SLC39A11: variants seen among roughly 807,000 people sequenced by gnomAD.
SLC39A11 encodes the protein solute carrier family 39 member 11.
In SLC39A11, 33 loss-of-function variants were observed where a neutral mutation model predicts 36.1. That is an observed-to-expected ratio of 0.91 (90% CI 0.69 to 1.22). The LOEUF (loss-of-function observed/expected upper bound fraction) is 1.22. Ranked by LOEUF, SLC39A11 falls within the 50% of genes most tolerant of loss-of-function variation. The pLI is 0.00. For synonymous variants in SLC39A11, 166 were observed against 170.3 expected (o/e 0.97, Z 0.20); for missense variants, 432 against 430.3 (o/e 1.00, Z -0.03).
chr17:72,872,789 GCTCATGC>G (rs2146403716), intron 5 of SLC39A11, among the ~76,000 whole-genome samples: 1 of 152,262 alleles, frequency 6.6e-6, no homozygotes, highest in East Asian at 1.9e-4. Flanking sequence ...GGGTGCAGTG[GCTCATGC>G]CTGTAATCCC....
chr17:73,014,782 AC>A (rs1429958926), intron 4 of SLC39A11, among the ~76,000 whole-genome samples: 2 of 152,176 alleles, frequency 1.3e-5, no homozygotes, highest in African/African-American at 4.8e-5. Flanking sequence ...CTCTGGCTGC[AC>A]GTTTCTCTTG....
At chr17:73,009,991 A>T (rs899873669) in intron 4 of SLC39A11, among the ~76,000 whole-genome samples, 8 of 151,824 alleles carry the variant, frequency 5.3e-5, no homozygotes, top group Non-Finnish European at 8.8e-5. Flanking sequence ...GGAGATGAGT[A>T]GGTTCTGGAG....
intron 4 of SLC39A11, among the ~76,000 whole-genome samples, chr17:72,958,356 T>C (rs1052879845): frequency 6.6e-6 from 1 of 152,134 alleles, no homozygotes; most frequent in East Asian, 1.9e-4. Flanking sequence ...CAAATATAAA[T>C]AGCTGGGACT....
chr17:72,712,065 C>G (rs1273113953), intron 7 of SLC39A11, among the ~76,000 whole-genome samples: 1 of 152,216 alleles, frequency 6.6e-6, no homozygotes, highest in Non-Finnish European at 1.5e-5. Flanking sequence ...GGTCTGCTGG[C>G]AGAGGTGGGA....
chr17:72,648,981 A>G lies in SLC39A11; in HGVS notation c.771-20T>C. 6.2e-7 allele frequency: 1 copy of G among 1,603,186 alleles called. No homozygotes were observed. The highest frequency in any genetic ancestry group is 8.5e-7 in the Non-Finnish European group (1 of 1,174,822). On this transcript the variant is annotated intron_variant, in intron 8 of 9. Transcript: ENST00000255559. ...CCATACCTAAGGAGAGAACAGAGACATTTACCACCGCAGGGGGAGGCAAGC... is the reference window on the plus strand; with the variant it reads ...CCATACCTAAGGAGAGAACAGAGACGTTTACCACCGCAGGGGGAGGCAAGC...
intron 6 of SLC39A11, among the ~76,000 whole-genome samples, chr17:72,835,212 G>A (rs941471363): frequency 6.6e-6 from 1 of 152,166 alleles, no homozygotes; most frequent in African/African-American, 2.4e-5. Flanking sequence ...GATAATTAAA[G>A]GAGAATATTA....
At chr17:72,790,535 CTCTT>C (rs1378037885) in intron 6 of SLC39A11, among the ~76,000 whole-genome samples, 2 of 150,862 alleles carry the variant, frequency 1.3e-5, no homozygotes, top group African/African-American at 2.4e-5. Flanking sequence ...CTCTCTCTCT[CTCTT>C]TTTTTTTTTT....
intron 6 of SLC39A11, among the ~76,000 whole-genome samples, chr17:72,770,580 G>A (rs998843424): frequency 7.9e-5 from 12 of 152,296 alleles, no homozygotes; most frequent in South Asian, 4.1e-4. Context: ...CAGTCTGCCA[G>A]CTCCTGCTCC....
chr17:73,046,823 C>A (rs1307556709), intron 3 of SLC39A11, among the ~76,000 whole-genome samples: 1 of 151,970 alleles, frequency 6.6e-6, no homozygotes, highest in African/African-American at 2.4e-5. Flanking sequence ...TGTCCATAGT[C>A]CCAGCTACTT....
At chr17:72,883,783 A>G (rs2081324376) in intron 5 of SLC39A11, among the ~76,000 whole-genome samples, 2 of 152,118 alleles carry the variant, frequency 1.3e-5, no homozygotes, top group South Asian at 4.1e-4. Context: ...AGGGGATGCA[A>G]TCTGTATAAT....
intron 6 of SLC39A11, among the ~76,000 whole-genome samples, chr17:72,781,413 G>GTT (rs976689524): frequency 7.3e-6 from 1 of 136,652 alleles, no homozygotes. Context: ...GTTTCTTTTG[G>GTT]TTTTTTTTTT....
intron 7 of SLC39A11, among the ~76,000 whole-genome samples, chr17:72,682,824 A>G (rs552371654): frequency 2.6e-5 from 4 of 152,360 alleles, no homozygotes; most frequent in South Asian, 4.1e-4. Context: ...CTTTATTTAT[A>G]TAACTGTCTG....
intron 5 of SLC39A11, among the ~76,000 whole-genome samples, chr17:72,879,411 T>G (rs2081083824): frequency 6.6e-6 from 1 of 152,204 alleles, no homozygotes; most frequent in African/African-American, 2.4e-5. Context: ...CTCCAGAGAT[T>G]CCATGGGTTT....
At chr17:73,025,040 C>T (rs572410828) in intron 4 of SLC39A11, among the ~76,000 whole-genome samples, 2 of 152,102 alleles carry the variant, frequency 1.3e-5, no homozygotes, top group South Asian at 4.2e-4. Context: ...ATTCAAAGTA[C>T]ACACGCACAC....
At chr17:72,745,329 CTGCCAGACTATGGTCCCTGGGATA>C (rs1449608147) in intron 6 of SLC39A11, among the ~76,000 whole-genome samples, 4 of 152,240 alleles carry the variant, frequency 2.6e-5, no homozygotes, top group Non-Finnish European at 4.4e-5. Flanking sequence ...TCTTCTCTTC[CTGCCAGACTATGGTCCCTGGGATA>C]TGGGCCCAGC....
intron 7 of SLC39A11, among the ~76,000 whole-genome samples, chr17:72,701,346 G>C (rs2072607367): frequency 6.6e-6 from 1 of 152,168 alleles, no homozygotes; most frequent in Non-Finnish European, 1.5e-5. Flanking sequence ...TGGTGTTGAG[G>C]GACCATCTCC....
At chr17:72,873,200 AC>A (rs1033404382) in intron 5 of SLC39A11, among the ~76,000 whole-genome samples, 1 of 152,036 alleles carries the variant, frequency 6.6e-6, no homozygotes, top group Non-Finnish European at 1.5e-5. Flanking sequence ...TGTTTTTCAG[AC>A]CTCACGTTCT....
intron 7 of SLC39A11, among the ~76,000 whole-genome samples, chr17:72,659,932 G>A (rs898951990): frequency 2.0e-5 from 3 of 151,984 alleles, no homozygotes; most frequent in Non-Finnish European, 4.4e-5. Context: ...GAACCTGCTG[G>A]ATTTTTAGGG....
chr17:73,053,531 C>G (rs749600460), intron 3 of SLC39A11, among the ~76,000 whole-genome samples: 24 of 152,152 alleles, frequency 1.6e-4, no homozygotes, highest in Non-Finnish European at 2.4e-4. Context: ...AATATACTTA[C>G]TCATTTCATC....
Sources: gnomAD v4.1 joint callset for allele counts (sites outside exome capture counted in the v4.1 genomes callset) on GRCh38, gnomAD v4.1.1 for gene constraint, MANE v1.5 for transcripts, NCBI Gene and HGNC (gene_info 2026-07-23, HGNC 2026-07-21) for gene names.